Variants in SNX29 observed in about 807,000 individuals in gnomAD.
SNX29 encodes sorting nexin 29, also known as sorting nexin-29.
Under a neutral mutation model 102.1 loss-of-function variants are expected in SNX29, and 78 were observed. The observed-to-expected ratio is 0.76, with a 90% CI of 0.64 to 0.92. The LOEUF is 0.92. Ranked by LOEUF, SNX29 falls within the 40% of genes least tolerant of loss-of-function variation. The pLI is 0.00. For missense variants in SNX29, 1,280 were observed against 1,061.7 expected (o/e 1.21, Z -2.86); for synonymous variants, 580 against 414.5 (o/e 1.40, Z -4.85).
At chr16:12,401,274 G>A (rs940220114) in intron 17 of SNX29, among the ~76,000 whole-genome samples, 7 of 151,582 alleles carry the variant, frequency 4.6e-5, no homozygotes, top group Non-Finnish European at 8.8e-5. Flanking sequence ...AGGAAAGACT[G>A]TATGTTAGGC....
intron 14 of SNX29, among the ~76,000 whole-genome samples, chr16:12,258,892 C>T (rs1438007896): frequency 2.0e-5 from 3 of 152,136 alleles, no homozygotes; most frequent in Admixed American, 1.3e-4. Flanking sequence ...TGGGAAATTT[C>T]CCTGAGTCTC....
chr16:12,138,087 CCAAGAA>C (rs2054728037), intron 13 of SNX29, among the ~76,000 whole-genome samples: 1 of 152,016 alleles, frequency 6.6e-6, no homozygotes. Flanking sequence ...AGCAAGCCTG[CCAAGAA>C]TTTGCCATCC....
At chr16:12,392,910 G>C (rs1324680298) in intron 16 of SNX29, among the ~76,000 whole-genome samples, 1 of 152,356 alleles carries the variant, frequency 6.6e-6, no homozygotes, top group Middle Eastern at 3.4e-3. Flanking sequence ...TTTATGATCA[G>C]ATCATCAGGC....
intron 15 of SNX29, among the ~76,000 whole-genome samples, chr16:12,279,887 G>C (rs2079377515): frequency 6.6e-6 from 1 of 152,228 alleles, no homozygotes; most frequent in East Asian, 1.9e-4. Context: ...TCCTCTGGGG[G>C]AACAAGGGTG....
intron 20 of SNX29, among the ~76,000 whole-genome samples, chr16:12,567,285 T>G (rs1026108920): frequency 1.3e-5 from 2 of 150,800 alleles, no homozygotes; most frequent in African/African-American, 5.0e-5. Context: ...ATCCAGGACT[T>G]ACATCCAGCA....
intron 14 of SNX29, among the ~76,000 whole-genome samples, chr16:12,274,260 G>A (rs994307377): frequency 1.3e-5 from 2 of 152,112 alleles, no homozygotes; most frequent in South Asian, 4.1e-4. Flanking sequence ...CCATGTTGCT[G>A]TTTAGAAACC....
chr16:11,978,335 C>T (rs1387914974), intron 1 of SNX29, among the ~76,000 whole-genome samples: 1 of 152,224 alleles, frequency 6.6e-6, no homozygotes. Context: ...GCCCTGAGGC[C>T]AGACATCCTG....
chr16:12,255,679 G>T (rs566486919), intron 14 of SNX29, among the ~76,000 whole-genome samples: 1 of 152,068 alleles, frequency 6.6e-6, no homozygotes, highest in Non-Finnish European at 1.5e-5. Context: ...TATCCTCCAC[G>T]TTTATCCGTG....
At chr16:12,415,298 A>G (rs183510846) in intron 18 of SNX29, among the ~76,000 whole-genome samples, 1 of 152,318 alleles carries the variant, frequency 6.6e-6, no homozygotes, top group African/African-American at 2.4e-5. Flanking sequence ...GACCCCAATA[A>G]TGGCTGAGAC....
intron 4 of SNX29, among the ~76,000 whole-genome samples, chr16:12,040,307 C>A (rs375071972): frequency 1.4e-4 from 21 of 151,964 alleles, no homozygotes; most frequent in African/African-American, 5.1e-4. Flanking sequence ...GAGCCCAGGA[C>A]GTTGAGGCTG....
chr16:12,201,792 A>G (rs745706066), intron 14 of SNX29, among the ~76,000 whole-genome samples: 7 of 152,352 alleles, frequency 4.6e-5, no homozygotes, highest in Middle Eastern at 3.4e-3. Flanking sequence ...ATTCAGTACA[A>G]AAAGACCATT....
intron 11 of SNX29, among the ~76,000 whole-genome samples, chr16:12,118,313 CT>C (rs869186902): frequency 0.012 from 1,054 of 86,062 alleles, 23 homozygotes; most frequent in African/African-American, 0.045. Context: ...TACAGACCAC[CT>C]TTTTTTTTTT....
At chr16:12,000,487 T>C (rs1293912424) in intron 2 of SNX29, 1 of 152,086 alleles carries the variant, frequency 6.6e-6, no homozygotes, top group East Asian at 1.9e-4. Context: ...AATTACACTA[T>C]AGGGAGGTAA....
chr16:12,504,471 G>A (rs1421089429), intron 19 of SNX29, among the ~76,000 whole-genome samples: 1 of 152,176 alleles, frequency 6.6e-6, no homozygotes, highest in Non-Finnish European at 1.5e-5. Flanking sequence ...TGCTTGTTCT[G>A]GAAATGTTGT....
chr16:12,477,676 A>C, intron 18 of SNX29, 43 bp from the exon 19 acceptor site: 1 of 1,599,242 alleles, frequency 6.3e-7, no homozygotes. Flanking sequence ...ACTCCTTTAT[A>C]ATAAGGGTTT....
At position 12,524,885 on chromosome 16, in the gene SNX29, A is replaced by G. The variant is rs1597734549; in HGVS notation, c.2318+44A>G. 3 of 1,592,602 alleles carry G rather than the reference A, an allele frequency of 1.9e-6. No individual in the cohort carries two copies. The South Asian group carries it at 3.3e-5, about 18-fold the overall frequency. ...GACATGGGCCGCCAGCCCTGCCAGC[A>G]TTTTTTTCTCGGTCGTTTTGGAAGG... On this transcript the variant is annotated intron_variant, in intron 20 of 20. Transcript: ENST00000566228.
intron 14 of SNX29, among the ~76,000 whole-genome samples, chr16:12,233,387 T>C (rs1263977510): frequency 6.6e-6 from 1 of 151,942 alleles, no homozygotes; most frequent in African/African-American, 2.4e-5. Flanking sequence ...AGCTAAACAG[T>C]GGGTACTCCT....
Position 12,573,195 on chromosome 16 carries a change from G to C in SNX29, c.*4566G>C, listed in dbSNP as rs992998236. 1 of 226,082 alleles carries C rather than the reference G, an allele frequency of 4.4e-6. No homozygotes were observed. Among genetic ancestry groups the C allele is most frequent in the African/African-American group, 2.2e-5 (1 of 44,962 alleles). The allele number at this position is 226,082 out of a possible 1,614,324, so 14.0% of individuals were successfully genotyped here. A position where few individuals can be genotyped will look rare whatever the true frequency, so the allele number is the denominator to read the frequency against. On this transcript the variant is annotated 3_prime_UTR_variant, in exon 21 of 21. Coordinates refer to ENST00000566228, the MANE Select transcript of SNX29 (RefSeq NM_032167.5). ...AGGGTGTAGCCATCCAGGGTCTCCCGGCTCTAGGCAGACCGGATCCCGCAG... is the reference window on the plus strand; with the variant it reads ...AGGGTGTAGCCATCCAGGGTCTCCCCGCTCTAGGCAGACCGGATCCCGCAG...
intron 3 of SNX29, among the ~76,000 whole-genome samples, chr16:12,011,189 G>GT (rs369528003): frequency 0.12 from 14,777 of 123,854 alleles, 960 homozygotes; most frequent in Non-Finnish European, 0.17. Flanking sequence ...ATTGCTTGGG[G>GT]TTTTTTTTTT....
Sources: gnomAD v4.1 joint callset for allele counts (sites outside exome capture counted in the v4.1 genomes callset) on GRCh38, gnomAD v4.1.1 for gene constraint, MANE v1.5 for transcripts, NCBI Gene and HGNC (gene_info 2026-07-23, HGNC 2026-07-21) for gene names.